CFAP263: variants seen among roughly 807,000 people sequenced by gnomAD.
CFAP263 encodes the protein cilia- and flagella-associated protein 263.
the CFAP263 span, chr16:58,279,710 G>C: frequency 6.2e-7 from 1 of 1,607,368 alleles, no homozygotes; most frequent in Non-Finnish European, 8.5e-7. Flanking sequence ...AAAGGCCATC[G>C]TAAGGCTTGG....
chr16:58,258,406 T>C, the CFAP263 span: 1 of 1,614,018 alleles, frequency 6.2e-7, no homozygotes, highest in Non-Finnish European at 8.5e-7. Flanking sequence ...GGAGTGAAGT[T>C]TCGAGAGAAG....
At chr16:58,267,716 A>G in the CFAP263 span, 1 of 624,482 alleles carries the variant, frequency 1.6e-6, no homozygotes, top group Non-Finnish European at 2.8e-6. Flanking sequence ...TAAAAATCAA[A>G]ATAGCTCTGG....
At chr16:58,260,449 G>A in the CFAP263 span, among the ~76,000 whole-genome samples, 1 of 152,212 alleles carries the variant, frequency 6.6e-6, no homozygotes, top group Non-Finnish European at 1.5e-5. Flanking sequence ...TGTTACAGGA[G>A]CAACAGGAAA....
the CFAP263 span, among the ~76,000 whole-genome samples, chr16:58,276,751 A>G: frequency 6.6e-6 from 1 of 152,268 alleles, no homozygotes; most frequent in Non-Finnish European, 1.5e-5. Context: ...GAGATTAAAC[A>G]GTTAAGTGAC....
chr16:58,280,124 C>G, the CFAP263 span: 1 of 1,228,590 alleles, frequency 8.1e-7, no homozygotes, highest in Non-Finnish European at 1.1e-6. Context: ...GTGGCAGCCC[C>G]AGTGTGCAAC....
the CFAP263 span, among the ~76,000 whole-genome samples, chr16:58,251,669 G>T: frequency 6.6e-6 from 1 of 152,206 alleles, no homozygotes; most frequent in Non-Finnish European, 1.5e-5. Context: ...TGGGATTACA[G>T]GTGTGAGCCA....
At chr16:58,276,891 T>C in the CFAP263 span, among the ~76,000 whole-genome samples, 16,423 of 152,184 alleles carry the variant, frequency 0.11, 1,003 homozygotes, top group Admixed American at 0.13. Flanking sequence ...TCTGGATGAA[T>C]AAAAGTGAAT....
chr16:58,259,364 T>A, the CFAP263 span, among the ~76,000 whole-genome samples: 2 of 152,136 alleles, frequency 1.3e-5, no homozygotes, highest in Non-Finnish European at 2.9e-5. Flanking sequence ...CTCAAGCTCT[T>A]TGAGATCCTT....
the CFAP263 span, among the ~76,000 whole-genome samples, chr16:58,252,252 C>T: frequency 6.6e-6 from 1 of 152,104 alleles, no homozygotes; most frequent in African/African-American, 2.4e-5. Context: ...CACCTGCAGT[C>T]CTAGCTACTT....
At chr16:58,280,682 C>T in the CFAP263 span, 15 of 1,614,142 alleles carry the variant, frequency 9.3e-6, no homozygotes, top group East Asian at 4.5e-5. Context: ...GTCTCACCAC[C>T]GAAGTTCAGG....
the CFAP263 span, chr16:58,250,404 A>C: frequency 9.4e-6 from 3 of 319,238 alleles, no homozygotes; most frequent in Non-Finnish European, 1.7e-5. Flanking sequence ...CGGTGTGCTT[A>C]GCCGATCCAC....
the CFAP263 span, among the ~76,000 whole-genome samples, chr16:58,250,997 T>C: frequency 6.6e-6 from 1 of 152,196 alleles, no homozygotes; most frequent in Non-Finnish European, 1.5e-5. Context: ...GATTCCATGA[T>C]GTAGTTAAGA....
the CFAP263 span, among the ~76,000 whole-genome samples, chr16:58,270,174 T>C: frequency 6.6e-6 from 1 of 152,210 alleles, no homozygotes; most frequent in Non-Finnish European, 1.5e-5. Flanking sequence ...TATAATTGGG[T>C]TATTTATCTT....
chr16:58,267,925 C>T, the CFAP263 span, among the ~76,000 whole-genome samples: 88,688 of 151,556 alleles, frequency 0.59, 26,985 homozygotes, highest in African/African-American at 0.75. Context: ...GTTTAATGCC[C>T]GTAGTAATGT....
At chr16:58,261,685 T>C in the CFAP263 span, among the ~76,000 whole-genome samples, 2 of 152,094 alleles carry the variant, frequency 1.3e-5, no homozygotes, top group Admixed American at 1.3e-4. Flanking sequence ...AAGGAAGTTG[T>C]GTTGTTTTGG....
At chr16:58,261,112 C>T in the CFAP263 span, among the ~76,000 whole-genome samples, 3 of 152,086 alleles carry the variant, frequency 2.0e-5, no homozygotes, top group Admixed American at 6.5e-5. Flanking sequence ...GAGTTCACAT[C>T]GGAGAGCAAG....
the CFAP263 span, among the ~76,000 whole-genome samples, chr16:58,273,966 G>A: frequency 6.6e-6 from 1 of 152,156 alleles, no homozygotes; most frequent in African/African-American, 2.4e-5. Context: ...GACGACCAGG[G>A]ATAATTGTTG....
chr16:58,263,919 G>A, the CFAP263 span, among the ~76,000 whole-genome samples: 3 of 152,170 alleles, frequency 2.0e-5, no homozygotes, highest in Admixed American at 1.3e-4. Context: ...GGCAGAGGTT[G>A]CAGTGAGCTG....
At chr16:58,275,364 T>C in the CFAP263 span, among the ~76,000 whole-genome samples, 22 of 152,252 alleles carry the variant, frequency 1.4e-4, no homozygotes, top group African/African-American at 5.3e-4. Flanking sequence ...TTCAACATAA[T>C]AAAAATGTTA....
Sources: gnomAD v4.1 joint callset for allele counts (sites outside exome capture counted in the v4.1 genomes callset) on GRCh38, gnomAD v4.1.1 for gene constraint, MANE v1.5 for transcripts, NCBI Gene and HGNC (gene_info 2026-07-23, HGNC 2026-07-21) for gene names.